Variants in CFAP299 observed in about 807,000 individuals in gnomAD.
The protein encoded by CFAP299 is cilia- and flagella-associated protein 299.
CFAP299 carries 21 observed loss-of-function variants against 27.0 expected under a neutral mutation model. The observed-to-expected ratio is 0.78, with a 90% CI of 0.55 to 1.12. The LOEUF is 1.12. CFAP299 is among the 50% of genes most tolerant of loss of function. CFAP299 has a pLI of 0.00. For synonymous variants in CFAP299, 104 were observed against 98.1 expected (o/e 1.06, Z -0.36); for missense variants, 310 against 276.6 (o/e 1.12, Z -0.86).
intron 3 of CFAP299, among the ~76,000 whole-genome samples, chr4:80,828,414 A>C (rs1430429434): frequency 3.3e-5 from 5 of 152,200 alleles, no homozygotes; most frequent in African/African-American, 1.2e-4. Flanking sequence ...TTTTCACAAG[A>C]GTACCAAAAC....
At chr4:80,668,674 T>TAA (rs1741265332) in intron 3 of CFAP299, among the ~76,000 whole-genome samples, 1 of 152,180 alleles carries the variant, frequency 6.6e-6, no homozygotes, top group South Asian at 2.1e-4. Context: ...CTGTTTTTAA[T>TAA]GCCAGTATTA....
intron 1 of CFAP299, among the ~76,000 whole-genome samples, chr4:80,353,445 C>T (rs1352881808): frequency 6.6e-6 from 1 of 152,200 alleles, no homozygotes; most frequent in Non-Finnish European, 1.5e-5. Context: ...TGTGGGGAGA[C>T]ACCTCCTGCA....
At chr4:80,384,701 C>T (rs1175817561) in intron 2 of CFAP299, among the ~76,000 whole-genome samples, 2 of 151,982 alleles carry the variant, frequency 1.3e-5, no homozygotes, top group Non-Finnish European at 2.9e-5. Flanking sequence ...GTACATGAAC[C>T]AAGAATTTTG....
chr4:80,880,943 C>T lies in CFAP299; in HGVS notation c.476+10808C>T, dbSNP rs182677637. On this transcript the variant is annotated intron_variant, in intron 4 of 5. Transcript: ENST00000358105. ...CTGCCTTTGCAGGGTGCCCTTCTTG[C>T]AGCTGGATTCTTTTTGGCCTCGTAC... Among the ~76,000 whole-genome samples, 432 of 152,230 alleles carry T rather than the reference C, an allele frequency of 2.8e-3. 1 individual carries two copies. Among genetic ancestry groups the T allele is most frequent in the African/African-American group, 9.8e-3 (408 of 41,520 alleles).
At chr4:80,774,847 C>T (rs1220987280) in intron 3 of CFAP299, among the ~76,000 whole-genome samples, 2 of 151,760 alleles carry the variant, frequency 1.3e-5, no homozygotes, top group South Asian at 2.1e-4. Context: ...TATATGGGCA[C>T]AGACATTCAT....
intron 3 of CFAP299, among the ~76,000 whole-genome samples, chr4:80,678,025 A>G (rs1319828970): frequency 6.6e-5 from 10 of 152,098 alleles, no homozygotes; most frequent in Admixed American, 6.5e-4. Context: ...GTTACTATTT[A>G]AGGATTCTCT....
At chr4:80,729,505 C>T (rs1723366487) in intron 3 of CFAP299, among the ~76,000 whole-genome samples, 1 of 151,850 alleles carries the variant, frequency 6.6e-6, no homozygotes, top group African/African-American at 2.4e-5. Context: ...TTAGGTCACT[C>T]ACCCTGAGGG....
rs1739457435 is a variant in CFAP299, at chr4:80,636,155, C to T, written c.333+52972C>T. Reference sequence around the variant, plus strand: ...AAATAAAGCTTTCTCTGAAACCTTCCTCCTTCTTTAGAAGTACAGACAGGG... The same window carrying T: ...AAATAAAGCTTTCTCTGAAACCTTCTTCCTTCTTTAGAAGTACAGACAGGG... On this transcript the variant is annotated intron_variant, in intron 3 of 5. Coordinates refer to ENST00000358105, the MANE Select transcript of CFAP299 (RefSeq NM_152770.3). Among the ~76,000 whole-genome samples, 3 of 152,106 alleles carry T rather than the reference C, an allele frequency of 2.0e-5. No individual in the cohort carries two copies. In the South Asian group the frequency reaches 6.2e-4, roughly 32 times the overall value.
At chr4:80,646,549 T>C (rs559922562) in intron 3 of CFAP299, among the ~76,000 whole-genome samples, 30 of 152,296 alleles carry the variant, frequency 2.0e-4, no homozygotes, top group Admixed American at 6.5e-4. Context: ...CCAGTTTAAT[T>C]TTTAAGTTTC....
At chr4:80,731,990 G>T (rs547981592) in intron 3 of CFAP299, among the ~76,000 whole-genome samples, 1 of 151,698 alleles carries the variant, frequency 6.6e-6, no homozygotes, top group East Asian at 1.9e-4. Flanking sequence ...ATAGAATTTT[G>T]TCCTTATTGT....
intron 4 of CFAP299, among the ~76,000 whole-genome samples, chr4:80,882,652 GA>G (rs1042685353): frequency 1.4e-5 from 2 of 146,438 alleles, no homozygotes; most frequent in Admixed American, 1.4e-4. Flanking sequence ...AAAAAAAATT[GA>G]AAAAAAAAGT....
At chr4:80,682,315 G>A (rs1719892392) in intron 3 of CFAP299, among the ~76,000 whole-genome samples, 2 of 152,096 alleles carry the variant, frequency 1.3e-5, no homozygotes, top group South Asian at 4.1e-4. Flanking sequence ...GGGGAAGGGA[G>A]CTGTGATCTG....
intron 3 of CFAP299, among the ~76,000 whole-genome samples, chr4:80,641,533 G>C (rs1043705229): frequency 6.6e-6 from 1 of 152,076 alleles, no homozygotes; most frequent in Non-Finnish European, 1.5e-5. Flanking sequence ...AGTTCAAAAT[G>C]GTATTTAGCT....
At chr4:80,620,059 A>T (rs1738495351) in intron 3 of CFAP299, among the ~76,000 whole-genome samples, 1 of 152,138 alleles carries the variant, frequency 6.6e-6, no homozygotes, top group African/African-American at 2.4e-5. Flanking sequence ...TATAAAGCAC[A>T]AGGCATTATT....
chr4:80,629,111 A>G (rs1739074133), intron 3 of CFAP299, among the ~76,000 whole-genome samples: 2 of 152,190 alleles, frequency 1.3e-5, no homozygotes, highest in Admixed American at 6.5e-5. Flanking sequence ...TGTGGACACA[A>G]TGGAATACTA....
chr4:80,418,802 G>A (rs1727147574), intron 2 of CFAP299, among the ~76,000 whole-genome samples: 1 of 152,190 alleles, frequency 6.6e-6, no homozygotes. Flanking sequence ...GTTTACATCA[G>A]TGTTGTCAGA....
intron 3 of CFAP299, among the ~76,000 whole-genome samples, chr4:80,628,113 C>T (rs929582145): frequency 1.3e-5 from 2 of 152,076 alleles, no homozygotes; most frequent in African/African-American, 4.8e-5. Context: ...ACCAAAACAG[C>T]ATGGTACTGG....
upstream of CFAP299, among the ~76,000 whole-genome samples, chr4:80,332,187 C>T (rs187641626): frequency 5.3e-5 from 8 of 152,212 alleles, no homozygotes; most frequent in African/African-American, 1.7e-4. Context: ...TGGTGAAAAT[C>T]GTGGAGCAGT....
intron 2 of CFAP299, among the ~76,000 whole-genome samples, chr4:80,385,306 A>G (rs1724909683): frequency 6.6e-6 from 1 of 152,298 alleles, no homozygotes; most frequent in East Asian, 1.9e-4. Flanking sequence ...CTCTTCGTCC[A>G]CATACAACTA....
Sources: gnomAD v4.1 joint callset for allele counts (sites outside exome capture counted in the v4.1 genomes callset) on GRCh38, gnomAD v4.1.1 for gene constraint, MANE v1.5 for transcripts, NCBI Gene and HGNC (gene_info 2026-07-23, HGNC 2026-07-21) for gene names.